The following AJAP1 variants were observed in gnomAD, a reference collection of about 807,000 sequenced individuals.
AJAP1 encodes adherens junctions associated protein 1.
In AJAP1, 5 loss-of-function variants were observed where a neutral mutation model predicts 35.0. The ratio of observed to expected loss-of-function variants is 0.14; its 90% CI spans 0.07 to 0.30. AJAP1 has a LOEUF of 0.30. Ranked by LOEUF, AJAP1 falls within the 10% of genes least tolerant of loss-of-function variation. The probability of loss-of-function intolerance (pLI) is 1.00; values close to 1 mark genes in which losing one functional copy is unlikely to be tolerated. For missense variants in AJAP1, 586 were observed against 571.0 expected (o/e 1.03, Z -0.27); for synonymous variants, 284 against 249.3 (o/e 1.14, Z -1.31).
intron 1 of AJAP1, among the ~76,000 whole-genome samples, chr1:4,690,364 T>G (rs776804396): frequency 1.3e-4 from 20 of 152,104 alleles, no homozygotes; most frequent in Non-Finnish European, 2.5e-4. Context: ...TTCAGCTACT[T>G]GTGTGACCTC....
intron 1 of AJAP1, 34 bp from the exon 2 acceptor site, chr1:4,711,866 C>G: frequency 6.3e-6 from 9 of 1,433,528 alleles, no homozygotes; most frequent in Non-Finnish European, 7.3e-6. Context: ...TGGGCTTCCA[C>G]TGACCGCTCT....
At chr1:4,689,596 A>C (rs1639692026) in intron 1 of AJAP1, among the ~76,000 whole-genome samples, 1 of 152,202 alleles carries the variant, frequency 6.6e-6, no homozygotes, top group African/African-American at 2.4e-5. Context: ...TCTTGGTTTC[A>C]GCTCCGTGGG....
At chr1:4,695,915 T>A (rs1468033529) in intron 1 of AJAP1, among the ~76,000 whole-genome samples, 1 of 152,212 alleles carries the variant, frequency 6.6e-6, no homozygotes, top group Non-Finnish European at 1.5e-5. Flanking sequence ...AGCGTGATCC[T>A]GTGGGATGAC....
At chr1:4,722,579 CTG>C (rs1640547287) in intron 2 of AJAP1, among the ~76,000 whole-genome samples, 2 of 152,330 alleles carry the variant, frequency 1.3e-5, no homozygotes, top group East Asian at 3.9e-4. Flanking sequence ...TATTCTCCAG[CTG>C]TTTTGGAGGC....
In AJAP1 at chr1:4,734,193, G is replaced by A. The variant is rs553254276; in HGVS notation, c.829+21494G>A. On this transcript the variant is annotated intron_variant, in intron 2 of 5. Coordinates refer to ENST00000378191, the MANE Select transcript of AJAP1 (RefSeq NM_018836.4). The surrounding 1 kb of genome is among the most constrained non-coding windows in gnomAD (Gnocchi z 4.3). ...TCTGTGTGGAGGAAGAGAGGCACCC[G>A]CTCAGATGCTCCTTCTTAGATGAAA... 2.6e-5 allele frequency among the ~76,000 whole-genome samples: 4 copies of A among 152,316 alleles called. No homozygotes were observed. Among genetic ancestry groups the A allele is most frequent in the South Asian group, 2.1e-4 (1 of 4,820 alleles).
intron 2 of AJAP1, among the ~76,000 whole-genome samples, chr1:4,755,925 C>T (rs1406774009): frequency 2.0e-5 from 3 of 152,044 alleles, no homozygotes; most frequent in Non-Finnish European, 2.9e-5. Flanking sequence ...GTTGATCAGA[C>T]GTCACCTGGG....
intron 1 of AJAP1, among the ~76,000 whole-genome samples, chr1:4,700,480 G>A (rs917819917): frequency 1.1e-4 from 16 of 152,108 alleles, no homozygotes; most frequent in Non-Finnish European, 2.4e-4. Flanking sequence ...CCTCTCCTTG[G>A]CTTTGCACAA....
At chr1:4,695,663 C>T (rs192885637) in intron 1 of AJAP1, among the ~76,000 whole-genome samples, 244 of 152,302 alleles carry the variant, frequency 1.6e-3, no homozygotes, top group Non-Finnish European at 2.9e-3. Flanking sequence ...GCTGAGGCCG[C>T]TCCTGGGCCT....
At position 4,712,119 on chromosome 1, in the gene AJAP1, G is replaced by C. The variant is rs754091872; in HGVS notation, c.249G>C (p.Pro83=). The C allele has an allele frequency of 6.5e-7, 1 of 1,542,664 alleles. No homozygotes were observed. The highest frequency in any genetic ancestry group is 1.2e-5 in the South Asian group (1 of 81,690). ...RVPAPVWSPR[P]PRVERIHGQM... is the part of the protein sequence containing the mutation. Reference sequence around the variant, plus strand: ...CGGCCCCGGTGTGGAGCCCCCGGCCGCCCCGAGTGGAGCGGATCCACGGGC... The same window carrying C: ...CGGCCCCGGTGTGGAGCCCCCGGCCCCCCCGAGTGGAGCGGATCCACGGGC... Residue 83 remains proline (P), a synonymous_variant, in exon 2 of 6, where the codon CCG becomes CCC. Transcript: ENST00000378191.
rs888033766 is a variant in AJAP1 at position 4,790,446 on chromosome 1, C to T, written c.*7961C>T. 5 of 152,140 alleles carry T rather than the reference C, an allele frequency of 3.3e-5. No individual in the cohort carries two copies. The highest frequency in any genetic ancestry group is 5.9e-5 in the Non-Finnish European group (4 of 68,042). The allele number at this position is 152,140 out of a possible 1,614,324, so 9.4% of individuals were successfully genotyped here. On this transcript the variant is annotated 3_prime_UTR_variant, in exon 6 of 6. Transcript: ENST00000378191. ...GGTGCTCTTAGATACGGTGTCACTT[C>T]CACATACAAGCACAATTCTCCCAGT...
intron 1 of AJAP1, among the ~76,000 whole-genome samples, chr1:4,690,713 C>T (rs1570115860): frequency 6.6e-6 from 1 of 152,192 alleles, no homozygotes; most frequent in African/African-American, 2.4e-5. Flanking sequence ...AAAGCATAAA[C>T]AGCTGTCCCA....
At chr1:4,719,475 G>A (rs533308463) in intron 2 of AJAP1, among the ~76,000 whole-genome samples, 2 of 152,306 alleles carry the variant, frequency 1.3e-5, no homozygotes, top group African/African-American at 2.4e-5. Context: ...AGATTGGAAG[G>A]AAACAGGAGC....
intron 4 of AJAP1, 83 bp from the exon 5 acceptor site, chr1:4,774,344 C>A: frequency 7.6e-7 from 1 of 1,315,644 alleles, no homozygotes; most frequent in Non-Finnish European, 1.1e-6. Context: ...AGCCAGTCCC[C>A]ACCACAGGCC....
intron 2 of AJAP1, among the ~76,000 whole-genome samples, chr1:4,717,982 A>G (rs1570151300): frequency 1.3e-5 from 2 of 152,336 alleles, no homozygotes; most frequent in East Asian, 3.9e-4. Context: ...AAAAGTTTTG[A>G]GTGGTTTAAT....
At chr1:4,744,589 G>A (rs567251250) in intron 2 of AJAP1, among the ~76,000 whole-genome samples, 1 of 151,352 alleles carries the variant, frequency 6.6e-6, no homozygotes, top group South Asian at 2.1e-4. Context: ...ACATGAAGGG[G>A]CACACATGCA....
rs1327075672 is a variant in AJAP1 at position 4,656,011 on chromosome 1, C to T, written c.29+557C>T. Among the ~76,000 whole-genome samples, 1 of 152,094 alleles carries T rather than the reference C, an allele frequency of 6.6e-6. No individual in the cohort carries two copies. The highest frequency in any genetic ancestry group is 1.5e-5 in the Non-Finnish European group (1 of 67,992). On this transcript the variant is annotated intron_variant, in intron 1 of 5. Coordinates refer to ENST00000378191, the MANE Select transcript of AJAP1 (RefSeq NM_018836.4). This position sits in a 1 kb window ranked among gnomAD's most constrained non-coding sequence, Gnocchi z 5.7. Reference sequence around the variant, plus strand: ...TCCCAGCTGCCGACCCAGCTGTTTGCGGGTGACCTCCGGGCCCGACGGGCG... The same window carrying T: ...TCCCAGCTGCCGACCCAGCTGTTTGTGGGTGACCTCCGGGCCCGACGGGCG...
At chr1:4,660,441 T>C (rs115637554) in intron 1 of AJAP1, among the ~76,000 whole-genome samples, 5,674 of 152,040 alleles carry the variant, frequency 0.037, 293 homozygotes, top group African/African-American at 0.11. Flanking sequence ...TATTATTGTA[T>C]TGTCGTTTTG....
At chr1:4,710,162 TCA>T (rs1349598024) in intron 1 of AJAP1, among the ~76,000 whole-genome samples, 1 of 106,416 alleles carries the variant, frequency 9.4e-6, no homozygotes, top group Non-Finnish European at 2.0e-5. Context: ...ACAGATACTC[TCA>T]CACAGACACA....
chr1:4,764,920 C>A lies in AJAP1; in HGVS notation c.830-4933C>A, dbSNP rs1641647184. On this transcript the variant is annotated intron_variant, in intron 2 of 5. Transcript: ENST00000378191. ...AGACCCAGAGATGGATTACAAACTT[C>A]CACATCAATCTTCAGGGCCTGATCT... Among the ~76,000 whole-genome samples, 2 of 152,200 alleles carry A rather than the reference C, an allele frequency of 1.3e-5. 1 individual carries two copies. Among genetic ancestry groups the A allele is most frequent in the South Asian group, 4.1e-4 (2 of 4,824 alleles).
Sources: allele counts gnomAD v4.1 joint callset (sites outside exome capture counted in the v4.1 genomes callset), GRCh38; gene constraint gnomAD v4.1.1; non-coding constraint Gnocchi (gnomAD v3.1); transcripts MANE v1.5; gene names NCBI Gene and HGNC (gene_info 2026-07-23, HGNC 2026-07-21).